DPP10: variants seen among roughly 807,000 people sequenced by gnomAD.
The protein encoded by DPP10 is dipeptidyl peptidase like 10, also known as inactive dipeptidyl peptidase 10.
Under a neutral mutation model 120.9 loss-of-function variants are expected in DPP10, and 33 were observed. That is an observed-to-expected ratio of 0.27 (90% CI 0.21 to 0.37). DPP10 has a LOEUF of 0.37. DPP10 is among the 10% of genes least tolerant of loss of function. The pLI is 1.00. For synonymous variants in DPP10, 337 were observed against 326.1 expected, an observed-to-expected ratio of 1.03 and a Z score of -0.36; for missense variants, 816 against 942.8, an observed-to-expected ratio of 0.87 and a Z score of 1.76.
At chr2:115,046,333 C>T (rs764054928) in intron 1 of DPP10, among the ~76,000 whole-genome samples, 1 of 152,184 alleles carries the variant, frequency 6.6e-6, no homozygotes, top group South Asian at 2.1e-4. Flanking sequence ...AATCAAAGAT[C>T]TCCACTCAAA....
In DPP10 at chr2:115,727,816, A is replaced by G. The variant is rs149933026; in HGVS notation, c.577A>G (p.Ile193Val). 32 of 1,584,024 alleles carry G rather than the reference A, an allele frequency of 2.0e-5. No homozygotes were observed. The African/African-American group carries it at 4.2e-4, about 21-fold the overall frequency. Reference sequence around the variant, plus strand: ...GTTTGTTTCACATTTCCTGATCCAGATTTATATTTTTGAAAATAATATCTA... The same window carrying G: ...GTTTGTTTCACATTTCCTGATCCAGGTTTATATTTTTGAAAATAATATCTA... ...AAWGVQGQQL[I>V]YIFENNIYYQ... is the part of the protein sequence containing the mutation. The change falls in exon 8 of 26, where the codon ATT becomes GTT. Residue 193 changes from isoleucine to valine, a missense_variant and splice_region_variant. Coordinates refer to ENST00000410059, the MANE Select transcript of DPP10 (RefSeq NM_020868.6).
At chr2:114,815,131 G>C (rs957421325) in intron 1 of DPP10, among the ~76,000 whole-genome samples, 2 of 152,178 alleles carry the variant, frequency 1.3e-5, no homozygotes, top group East Asian at 1.9e-4. Flanking sequence ...GTTGGCAGGT[G>C]GTAGGGTCAA....
intron 1 of DPP10, among the ~76,000 whole-genome samples, chr2:114,963,673 T>C (rs981517865): frequency 6.6e-6 from 1 of 152,126 alleles, no homozygotes; most frequent in African/African-American, 2.4e-5. Flanking sequence ...GCTGTCACCA[T>C]GGTGGTCTCA....
chr2:114,830,516 T>G (rs1574289542), intron 1 of DPP10, among the ~76,000 whole-genome samples: 1 of 152,248 alleles, frequency 6.6e-6, no homozygotes, highest in African/African-American at 2.4e-5. Flanking sequence ...CGCCTTTCTA[T>G]TTATACACAA....
intron 5 of DPP10, among the ~76,000 whole-genome samples, chr2:115,596,348 C>T (rs903737170): frequency 6.6e-6 from 1 of 152,048 alleles, no homozygotes; most frequent in African/African-American, 2.4e-5. Context: ...AACTATGAAA[C>T]TATGTGAGGT....
chr2:115,836,408 T>C (rs1689533385), intron 22 of DPP10, 99 bp from the exon 23 acceptor site: 4 of 1,488,406 alleles, frequency 2.7e-6, no homozygotes, highest in Non-Finnish European at 3.7e-6. Flanking sequence ...CTGATTTTAC[T>C]AAAGCATGAC....
chr2:115,824,576 G>C (rs1471853662), intron 21 of DPP10, among the ~76,000 whole-genome samples: 1 of 152,032 alleles, frequency 6.6e-6, no homozygotes, highest in Non-Finnish European at 1.5e-5. Flanking sequence ...GCAGTGTTTG[G>C]TTTTCTGTTC....
At chr2:115,103,958 A>G (rs892295551) in intron 1 of DPP10, among the ~76,000 whole-genome samples, 1 of 152,180 alleles carries the variant, frequency 6.6e-6, no homozygotes, top group Non-Finnish European at 1.5e-5. Flanking sequence ...TATCTTTGGA[A>G]TAGAACCCAA....
intron 21 of DPP10, among the ~76,000 whole-genome samples, chr2:115,832,413 C>T (rs1266143145): frequency 1.3e-5 from 2 of 152,172 alleles, no homozygotes; most frequent in African/African-American, 2.4e-5. Flanking sequence ...CTGCTTAAGC[C>T]TGGGAGGCAG....
intron 1 of DPP10, among the ~76,000 whole-genome samples, chr2:114,592,051 G>C (rs904765021): frequency 2.6e-5 from 4 of 152,158 alleles, no homozygotes; most frequent in African/African-American, 9.7e-5. Flanking sequence ...TTAGAGAGTC[G>C]ATGGAAAATT....
intron 1 of DPP10, among the ~76,000 whole-genome samples, chr2:114,653,027 A>AGTGTGT (rs10528455): frequency 0.035 from 4,817 of 135,744 alleles, 98 homozygotes; most frequent in Non-Finnish European, 0.049. Flanking sequence ...AGAGAGAGAG[A>AGTGTGT]GTGTGTGTGT....
chr2:114,559,728 T>C (rs1219274880), intron 1 of DPP10, among the ~76,000 whole-genome samples: 1 of 151,936 alleles, frequency 6.6e-6, no homozygotes, highest in African/African-American at 2.4e-5. Context: ...AGTAGGTAGA[T>C]CAGAGATCCA....
At chr2:115,726,276 G>T (rs894912462) in intron 7 of DPP10, among the ~76,000 whole-genome samples, 2 of 152,048 alleles carry the variant, frequency 1.3e-5, no homozygotes, top group South Asian at 4.2e-4. Context: ...AGCTGTAGAG[G>T]CTTCATTTTG....
chr2:114,483,924 C>T (rs796816489), intron 1 of DPP10, among the ~76,000 whole-genome samples: 4 of 152,292 alleles, frequency 2.6e-5, no homozygotes, highest in African/African-American at 9.6e-5. Flanking sequence ...GTCATTTTGT[C>T]ATACTCCCCA....
chr2:115,454,216 G>A (rs2073345214), intron 3 of DPP10, among the ~76,000 whole-genome samples: 1 of 151,448 alleles, frequency 6.6e-6, no homozygotes, highest in African/African-American at 2.4e-5. Context: ...TAATAGGCTA[G>A]TGTAATCCTA....
intron 3 of DPP10, among the ~76,000 whole-genome samples, chr2:115,375,341 A>T (rs1206160577): frequency 6.6e-6 from 1 of 152,144 alleles, no homozygotes; most frequent in African/African-American, 2.4e-5. Context: ...AGCAAGAGTG[A>T]CCTTTGCTCC....
rs1475294044 is a variant in DPP10 at position 115,372,272 on chromosome 2, T to A, written c.271+28360T>A. On this transcript the variant is annotated intron_variant, in intron 3 of 25. Coordinates refer to ENST00000410059, the MANE Select transcript of DPP10 (RefSeq NM_020868.6). ...GAAAAAGAGTACATGAAACATCTTT[T>A]GGGTTTAAAGATATGAACAAGTGAT... Among the ~76,000 whole-genome samples, 5 of 152,228 alleles carry A rather than the reference T, an allele frequency of 3.3e-5. No individual in the cohort carries two copies. The East Asian group carries it at 9.7e-4, about 29-fold the overall frequency.
At chr2:115,400,873 A>G (rs2068024626) in intron 3 of DPP10, among the ~76,000 whole-genome samples, 1 of 152,192 alleles carries the variant, frequency 6.6e-6, no homozygotes, top group African/African-American at 2.4e-5. Context: ...GGCATTGAAA[A>G]CCAACAGTTT....
At chr2:115,685,748 G>T (rs1335660387) in intron 5 of DPP10, among the ~76,000 whole-genome samples, 2 of 151,954 alleles carry the variant, frequency 1.3e-5, no homozygotes, top group East Asian at 3.9e-4. Flanking sequence ...TTAAATAAAT[G>T]AATGTAGTTA....
Sources: allele counts gnomAD v4.1 joint callset (sites outside exome capture counted in the v4.1 genomes callset), GRCh38; gene constraint gnomAD v4.1.1; transcripts MANE v1.5; gene names NCBI Gene and HGNC (gene_info 2026-07-23, HGNC 2026-07-21).